FHOD3: variants seen among roughly 807,000 people sequenced by gnomAD.
The protein encoded by FHOD3 is formin homology 2 domain containing 3, also known as FH1/FH2 domain-containing protein 3.
A neutral mutation model predicts 173.0 loss-of-function variants in FHOD3; 90 were observed. The ratio of observed to expected loss-of-function variants is 0.52; its 90% CI spans 0.44 to 0.62. FHOD3 has a LOEUF of 0.62. FHOD3 is among the 20% of genes least tolerant of loss of function. FHOD3 has a pLI of 0.00. For missense variants in FHOD3, 1,945 were observed against 2,034.7 expected, an observed-to-expected ratio of 0.96 and a Z score of 0.85; for synonymous variants, 828 against 823.0, an observed-to-expected ratio of 1.01 and a Z score of -0.10.
intron 27 of FHOD3, among the ~76,000 whole-genome samples, chr18:36,766,280 T>C (rs1233588744): frequency 6.6e-6 from 1 of 152,240 alleles, no homozygotes; most frequent in African/African-American, 2.4e-5. Context: ...AGAATATCCA[T>C]TTTGACTTAA....
chr18:36,302,404 C>A (rs749319326), intron 1 of FHOD3, among the ~76,000 whole-genome samples: 1 of 152,140 alleles, frequency 6.6e-6, no homozygotes, highest in Non-Finnish European at 1.5e-5. Flanking sequence ...TCCCCCCCGA[C>A]CTGCTGAATC....
intron 3 of FHOD3, among the ~76,000 whole-genome samples, chr18:36,421,664 A>G (rs2049992897): frequency 6.6e-6 from 1 of 152,236 alleles, no homozygotes; most frequent in East Asian, 1.9e-4. Flanking sequence ...ATTTTTTGAA[A>G]TAATTCTCCA....
chr18:36,664,415 C>G (rs2037014945), intron 14 of FHOD3, among the ~76,000 whole-genome samples: 1 of 152,254 alleles, frequency 6.6e-6, no homozygotes, highest in South Asian at 2.1e-4. Flanking sequence ...TTGTTACAAA[C>G]AATAAGAGTC....
intron 5 of FHOD3, among the ~76,000 whole-genome samples, chr18:36,545,008 G>A (rs1054887110): frequency 2.0e-5 from 3 of 152,208 alleles, no homozygotes; most frequent in African/African-American, 7.2e-5. Flanking sequence ...CCTGGTGTTG[G>A]CCATGAAGAG....
At chr18:36,668,155 A>G (rs1319448022) in intron 14 of FHOD3, among the ~76,000 whole-genome samples, 1 of 152,172 alleles carries the variant, frequency 6.6e-6, no homozygotes, top group African/African-American at 2.4e-5. Flanking sequence ...AGCTTTCTTC[A>G]AGGGAAAGTT....
In FHOD3 at chr18:36,427,966, G is replaced by A. The variant is rs80303034; in HGVS notation, c.337+55222G>A. Among the ~76,000 whole-genome samples, 309 of 152,324 alleles carry A rather than the reference G, an allele frequency of 2.0e-3. 1 individual carries two copies. Among genetic ancestry groups the A allele is most frequent in the Non-Finnish European group, 3.6e-3 (243 of 68,026 alleles). The stretch of plus-strand genomic sequence containing the variant: ...ACAAAATAGGTTTTGAACAAGGCAT[G>A]TTGTAGATATGTATCTTCCTTGGCT... On this transcript the variant is annotated intron_variant, in intron 3 of 28. Transcript: ENST00000590592.
At chr18:36,627,553 T>C (rs1184747978) in intron 10 of FHOD3, among the ~76,000 whole-genome samples, 1 of 152,210 alleles carries the variant, frequency 6.6e-6, no homozygotes, top group Non-Finnish European at 1.5e-5. Context: ...TTCATTCTTT[T>C]TGGAATTTCA....
Position 36,429,114 on chromosome 18 carries a change from T to G in FHOD3, c.337+56370T>G, listed in dbSNP as rs116401816. 5.8e-3 allele frequency among the ~76,000 whole-genome samples: 881 copies of G among 152,066 alleles called. 7 individuals carry two copies. The highest frequency in any genetic ancestry group is 0.02 in the African/African-American group (848 of 41,460). ...AACGGTCTTGAGGTCCAATGAGAAA[T>G]TGAGGATTGTTTTCCCCAGAAGTCC... is the stretch of plus-strand genomic sequence containing the variant. On this transcript the variant is annotated intron_variant, in intron 3 of 28. Transcript: ENST00000590592.
chr18:36,693,781 G>A (rs1158763643), intron 17 of FHOD3, among the ~76,000 whole-genome samples: 1 of 152,144 alleles, frequency 6.6e-6, no homozygotes, highest in Non-Finnish European at 1.5e-5. Flanking sequence ...ACATTCGAAT[G>A]TTCTTACCCG....
chr18:36,735,500 CT>C (rs1349961298), intron 20 of FHOD3, among the ~76,000 whole-genome samples: 2 of 152,214 alleles, frequency 1.3e-5, no homozygotes, highest in African/African-American at 4.8e-5. Context: ...CCCCTGGGTT[CT>C]TCTCTAGCTC....
At position 36,576,509 on chromosome 18, in the gene FHOD3, A is replaced by G. The variant is rs2058658491; in HGVS notation, c.570A>G (p.Glu190=). ...TGAATGGAGTAATAAACCGCAATGA[A>G]ACCATTCAGTGGCTGTACACTCTCA... is the stretch of plus-strand genomic sequence containing the variant. ...DGMNGVINRN[E]TIQWLYTLIG... The change falls in exon 6 of 29, where the codon GAA becomes GAG. Residue 190 remains glutamate (E), a synonymous_variant. Coordinates refer to ENST00000590592, the MANE Select transcript of FHOD3 (RefSeq NM_001281740.3). 1 of 1,613,840 alleles carries G rather than the reference A, an allele frequency of 6.2e-7. No homozygotes were observed. The highest frequency in any genetic ancestry group is 8.5e-7 in the Non-Finnish European group (1 of 1,179,900).
intron 9 of FHOD3, 120 bp downstream of exon 9, chr18:36,612,215 A>C: frequency 3.7e-6 from 4 of 1,090,876 alleles, no homozygotes; most frequent in Non-Finnish European, 3.9e-6. Context: ...TTAGAAACTC[A>C]GCATCGTAGG....
chr18:36,307,926 A>G (rs74772892), intron 1 of FHOD3, among the ~76,000 whole-genome samples: 1,792 of 152,350 alleles, frequency 0.012, 35 homozygotes, highest in African/African-American at 0.041. Flanking sequence ...ACATCTATTC[A>G]TAATAATATC....
At chr18:36,332,543 T>C (rs1345246535) in intron 1 of FHOD3, among the ~76,000 whole-genome samples, 1 of 152,224 alleles carries the variant, frequency 6.6e-6, no homozygotes, top group Non-Finnish European at 1.5e-5. Flanking sequence ...CAACTCTGGC[T>C]CACAGAGGAT....
chr18:36,770,090 G>T (rs1029272383), intron 28 of FHOD3, among the ~76,000 whole-genome samples: 1 of 152,204 alleles, frequency 6.6e-6, no homozygotes, highest in Non-Finnish European at 1.5e-5. Context: ...CCCTCTCAGG[G>T]ACAGTGCTCC....
intron 5 of FHOD3, among the ~76,000 whole-genome samples, chr18:36,539,248 A>G (rs1054777989): frequency 4.6e-5 from 7 of 152,238 alleles, no homozygotes; most frequent in Non-Finnish European, 8.8e-5. Flanking sequence ...TCAGTACTAC[A>G]TACTATATTC....
chr18:36,315,068 C>T lies in FHOD3; in HGVS notation c.165+17068C>T, dbSNP rs143547885. 2.2e-4 allele frequency among the ~76,000 whole-genome samples: 34 copies of T among 152,302 alleles called. No individual in the cohort carries two copies. In the East Asian group the frequency reaches 5.2e-3, roughly 23 times the overall value. On this transcript the variant is annotated intron_variant, in intron 1 of 28. Transcript: ENST00000590592. ...TCAGAAAAGAATAAAGCATGGGCCT[C>T]GTCTCCAGGAACTGATAGGCCATGA... is the stretch of plus-strand genomic sequence containing the variant.
intron 3 of FHOD3, among the ~76,000 whole-genome samples, chr18:36,390,834 C>T (rs2048269187): frequency 6.6e-6 from 1 of 152,184 alleles, no homozygotes; most frequent in Non-Finnish European, 1.5e-5. Context: ...ATTAAACCGT[C>T]AGACTCTTGG....
chr18:36,554,173 A>G (rs1568420030), intron 5 of FHOD3, among the ~76,000 whole-genome samples: 1 of 152,176 alleles, frequency 6.6e-6, no homozygotes, highest in Non-Finnish European at 1.5e-5. Flanking sequence ...TGCTGCTATA[A>G]AGACACATGC....
Sources: gnomAD v4.1 joint callset for allele counts (sites outside exome capture counted in the v4.1 genomes callset) on GRCh38, gnomAD v4.1.1 for gene constraint, MANE v1.5 for transcripts, NCBI Gene and HGNC (gene_info 2026-07-23, HGNC 2026-07-21) for gene names.